The following SPATA17 variants were observed in gnomAD, a reference collection of about 807,000 sequenced individuals.
SPATA17 encodes spermatogenesis-associated protein 17.
In SPATA17, 53 loss-of-function variants were observed where a neutral mutation model predicts 62.2. That is an observed-to-expected ratio of 0.85 (90% CI 0.68 to 1.07). The LOEUF is 1.07. Ranked by LOEUF, SPATA17 falls within the 50% of genes least tolerant of loss-of-function variation. SPATA17 has a pLI of 0.00. For missense variants in SPATA17, 466 were observed against 425.5 expected (o/e 1.10, Z -0.84); for synonymous variants, 146 against 146.8 (o/e 0.99, Z 0.04).
chr1:217,772,727 T>C (rs1317101418), intron 6 of SPATA17, among the ~76,000 whole-genome samples: 1 of 152,184 alleles, frequency 6.6e-6, no homozygotes, highest in Non-Finnish European at 1.5e-5. Context: ...ATTGAGTGCC[T>C]ACTAAGTGCC....
intron 9 of SPATA17, among the ~76,000 whole-genome samples, chr1:217,845,639 A>C (rs1212535637): frequency 2.0e-5 from 3 of 152,016 alleles, no homozygotes; most frequent in Admixed American, 1.3e-4. Context: ...AAGAGATTAA[A>C]ATTTCTCTTA....
intron 3 of SPATA17, among the ~76,000 whole-genome samples, chr1:217,657,469 A>C (rs184153034): frequency 6.6e-6 from 1 of 152,208 alleles, no homozygotes; most frequent in Non-Finnish European, 1.5e-5. Flanking sequence ...GCAAGAGTGC[A>C]TGAAATGATC....
chr1:217,666,791 A>G (rs1011046736), intron 3 of SPATA17, among the ~76,000 whole-genome samples: 3 of 152,060 alleles, frequency 2.0e-5, no homozygotes, highest in African/African-American at 4.8e-5. Context: ...CTAGTACCTC[A>G]TGTAAGTGGA....
At chr1:217,763,279 T>C (rs1673216081) in intron 6 of SPATA17, among the ~76,000 whole-genome samples, 1 of 152,070 alleles carries the variant, frequency 6.6e-6, no homozygotes. Flanking sequence ...AGAGAAAGAA[T>C]AGAATAGGAC....
At chr1:217,712,966 C>T (rs1457585727) in intron 5 of SPATA17, among the ~76,000 whole-genome samples, 3 of 152,100 alleles carry the variant, frequency 2.0e-5, no homozygotes, top group Admixed American at 2.0e-4. Context: ...ACTTGCAGGG[C>T]AATGCAGCTA....
chr1:217,743,212 G>A (rs1672666700), intron 6 of SPATA17, among the ~76,000 whole-genome samples: 1 of 151,848 alleles, frequency 6.6e-6, no homozygotes, highest in Non-Finnish European at 1.5e-5. Context: ...GAGGTCTCTA[G>A]ACTTTAAATA....
At chr1:217,793,832 G>A (rs1196816619) in intron 8 of SPATA17, among the ~76,000 whole-genome samples, 1 of 151,942 alleles carries the variant, frequency 6.6e-6, no homozygotes, top group African/African-American at 2.4e-5. Flanking sequence ...AACTGAAAAG[G>A]AGGCCGGGTG....
At chr1:217,739,681 A>G (rs1392972704) in intron 5 of SPATA17, 2 of 152,132 alleles carry the variant, frequency 1.3e-5, no homozygotes, top group Admixed American at 6.5e-5. Context: ...CATCCTGCAC[A>G]CTGAGAAATA....
chr1:217,738,658 G>A (rs571668652), intron 5 of SPATA17, among the ~76,000 whole-genome samples: 3 of 152,358 alleles, frequency 2.0e-5, no homozygotes, highest in South Asian at 4.1e-4. Context: ...CCATTTGAGA[G>A]TCTATGCTCT....
chr1:217,793,704 A>G (rs546710114), intron 8 of SPATA17, among the ~76,000 whole-genome samples: 1 of 152,330 alleles, frequency 6.6e-6, no homozygotes, highest in East Asian at 1.9e-4. Context: ...TTGGCAGAAT[A>G]CGAGTCAGTC....
At position 217,870,841 on chromosome 1, in the gene SPATA17, A is replaced by G. The variant is rs1226492269; in HGVS notation, c.*3822A>G. 1 of 152,210 alleles carries G rather than the reference A, an allele frequency of 6.6e-6. No individual in the cohort carries two copies. The highest frequency in any genetic ancestry group is 1.5e-5 in the Non-Finnish European group (1 of 68,030). The allele number at this position is 152,210 out of a possible 1,614,324, so 9.4% of individuals were successfully genotyped here. On this transcript the variant is annotated 3_prime_UTR_variant, in exon 11 of 11. Coordinates refer to ENST00000366933, the MANE Select transcript of SPATA17 (RefSeq NM_138796.4). ...CTCTCTAATTTCCTTGAGGGCAAAT[A>G]TTGTCTTTCTTGATAAATGCCCTGG...
chr1:217,770,588 T>C (rs1022447415), intron 6 of SPATA17, among the ~76,000 whole-genome samples: 1 of 152,022 alleles, frequency 6.6e-6, no homozygotes, highest in African/African-American at 2.4e-5. Flanking sequence ...GACTATAGCT[T>C]CCCCCAGGCA....
At chr1:217,778,604 T>C (rs1558047135) in intron 7 of SPATA17, among the ~76,000 whole-genome samples, 1 of 152,126 alleles carries the variant, frequency 6.6e-6, no homozygotes, top group Non-Finnish European at 1.5e-5. Context: ...CATAGAGTAA[T>C]TTTGCATACA....
intron 5 of SPATA17, among the ~76,000 whole-genome samples, chr1:217,724,510 C>G (rs957581988): frequency 5.3e-5 from 8 of 152,094 alleles, no homozygotes; most frequent in Non-Finnish European, 1.0e-4. Context: ...ATCACCTGAA[C>G]CCAGGCAGTG....
intron 5 of SPATA17, among the ~76,000 whole-genome samples, chr1:217,689,927 G>C (rs1448954346): frequency 6.7e-6 from 1 of 149,452 alleles, no homozygotes; most frequent in East Asian, 2.0e-4. Flanking sequence ...TTTTGAGACA[G>C]AGTTTTGCTC....
At chr1:217,657,644 T>G (rs535670160) in intron 3 of SPATA17, among the ~76,000 whole-genome samples, 1 of 152,318 alleles carries the variant, frequency 6.6e-6, no homozygotes, top group Non-Finnish European at 1.5e-5. Flanking sequence ...AATAACAATG[T>G]CATACAGTAT....
intron 5 of SPATA17, among the ~76,000 whole-genome samples, chr1:217,705,307 C>A (rs772013348): frequency 6.6e-6 from 1 of 151,486 alleles, no homozygotes; most frequent in Non-Finnish European, 1.5e-5. Context: ...GATATTAGAA[C>A]TTTGTCAGAT....
chr1:217,830,600 T>C (rs1462867008), intron 9 of SPATA17, among the ~76,000 whole-genome samples: 1 of 152,150 alleles, frequency 6.6e-6, no homozygotes, highest in East Asian at 1.9e-4. Flanking sequence ...CAATATATTT[T>C]CTCCTAAACA....
chr1:217,711,481 A>G (rs545196705), intron 5 of SPATA17, among the ~76,000 whole-genome samples: 1 of 152,334 alleles, frequency 6.6e-6, no homozygotes, highest in East Asian at 1.9e-4. Flanking sequence ...ATAGATATGA[A>G]TTCGAGTCAT....
Sources: gnomAD v4.1 joint callset for allele counts (sites outside exome capture counted in the v4.1 genomes callset) on GRCh38, gnomAD v4.1.1 for gene constraint, MANE v1.5 for transcripts, NCBI Gene and HGNC (gene_info 2026-07-23, HGNC 2026-07-21) for gene names.